The following ADAM12 variants were observed in gnomAD, a reference collection of about 807,000 sequenced individuals.
The protein encoded by ADAM12 is ADAM metallopeptidase domain 12, also known as disintegrin and metalloproteinase domain-containing protein 12.
ADAM12 carries 70 observed loss-of-function variants against 106.4 expected under a neutral mutation model. That is an observed-to-expected ratio of 0.66 (90% CI 0.54 to 0.80). The LOEUF is 0.80. ADAM12 is among the 30% of genes least tolerant of loss of function. The pLI is 0.00. For synonymous variants in ADAM12, 420 were observed against 433.5 expected (o/e 0.97, Z 0.39); for missense variants, 1,010 against 1,171.9 (o/e 0.86, Z 2.02).
intron 3 of ADAM12, among the ~76,000 whole-genome samples, chr10:126,243,316 T>C (rs1430374954): frequency 2.0e-5 from 3 of 152,238 alleles, no homozygotes; most frequent in South Asian, 2.1e-4. Context: ...ATAATAACTA[T>C]GGATATCAAT....
chr10:126,109,748 T>TTTTAAAA, intron 7 of ADAM12, 27 bp downstream of exon 7: 1 of 1,600,978 alleles, frequency 6.2e-7, no homozygotes, highest in Non-Finnish European at 8.5e-7. Flanking sequence ...TAACCAACCA[T>TTTTAAAA]ACTGAGAAAT....
chr10:126,381,005 G>A (rs1856470890), intron 1 of ADAM12, among the ~76,000 whole-genome samples: 1 of 152,132 alleles, frequency 6.6e-6, no homozygotes, highest in Admixed American at 6.5e-5. Context: ...ACACCAGGAA[G>A]GAATGTGCTT....
At chr10:126,345,539 A>G (rs530488841) in intron 1 of ADAM12, among the ~76,000 whole-genome samples, 113 of 152,334 alleles carry the variant, frequency 7.4e-4, no homozygotes, top group Admixed American at 1.4e-3. Context: ...TGGCCTCATA[A>G]AATGAGTTAG....
chr10:126,133,530 C>G (rs563097662), intron 5 of ADAM12, among the ~76,000 whole-genome samples: 16 of 152,156 alleles, frequency 1.1e-4, no homozygotes, highest in South Asian at 6.2e-4. Flanking sequence ...AGACACCTAC[C>G]CAAGCCTCCG....
intron 3 of ADAM12, among the ~76,000 whole-genome samples, chr10:126,237,297 T>C (rs1016118712): frequency 1.3e-5 from 2 of 152,162 alleles, no homozygotes; most frequent in African/African-American, 4.8e-5. Flanking sequence ...AATTTGAAAA[T>C]TTTCAAATAA....
intron 21 of ADAM12, among the ~76,000 whole-genome samples, chr10:126,023,494 A>G (rs1438038018): frequency 1.3e-5 from 2 of 152,222 alleles, no homozygotes; most frequent in African/African-American, 2.4e-5. Context: ...GGAATAGAGA[A>G]ATCCAACCAA....
At chr10:126,033,981 A>G (rs1954014435) in intron 21 of ADAM12, among the ~76,000 whole-genome samples, 1 of 152,256 alleles carries the variant, frequency 6.6e-6, no homozygotes. Flanking sequence ...ACAGAAAATA[A>G]TAAGCAAAGT....
At chr10:126,257,011 T>C (rs1958905766) in intron 3 of ADAM12, among the ~76,000 whole-genome samples, 1 of 152,208 alleles carries the variant, frequency 6.6e-6, no homozygotes, top group African/African-American at 2.4e-5. Context: ...CTCTTAGCAG[T>C]AGCCCACCCA....
At chr10:126,240,851 G>T (rs1048256885) in intron 3 of ADAM12, among the ~76,000 whole-genome samples, 1 of 152,206 alleles carries the variant, frequency 6.6e-6, no homozygotes, top group African/African-American at 2.4e-5. Context: ...AGAGCCCCCC[G>T]GGAGCTCCAC....
At chr10:126,355,818 ATC>A (rs1442971503) in intron 1 of ADAM12, among the ~76,000 whole-genome samples, 6 of 152,198 alleles carry the variant, frequency 3.9e-5, no homozygotes, top group African/African-American at 1.4e-4. Context: ...TACTGGTGAT[ATC>A]TCTGTGTATC....
intron 3 of ADAM12, among the ~76,000 whole-genome samples, chr10:126,200,340 G>A (rs1217720159): frequency 6.6e-6 from 1 of 152,202 alleles, no homozygotes; most frequent in Non-Finnish European, 1.5e-5. Flanking sequence ...AACACGATCA[G>A]ATGCCTTCAA....
chr10:126,237,632 T>C (rs191115469), intron 3 of ADAM12, among the ~76,000 whole-genome samples: 13 of 152,368 alleles, frequency 8.5e-5, no homozygotes, highest in African/African-American at 2.9e-4. Context: ...GCTGTGATCC[T>C]TATTATTTTG....
intron 3 of ADAM12, among the ~76,000 whole-genome samples, chr10:126,201,159 G>A (rs1459780184): frequency 6.6e-6 from 1 of 152,148 alleles, no homozygotes; most frequent in East Asian, 1.9e-4. Context: ...TGTGTGCCGT[G>A]GGTTGAACCG....
intron 21 of ADAM12, among the ~76,000 whole-genome samples, chr10:126,026,967 A>G (rs184167608): frequency 2.0e-5 from 3 of 151,912 alleles, no homozygotes; most frequent in East Asian, 1.9e-4. Context: ...TCAACAAATC[A>G]GTGAATCCAG....
chr10:126,188,145 C>T (rs1008773792), intron 3 of ADAM12, among the ~76,000 whole-genome samples: 1 of 152,212 alleles, frequency 6.6e-6, no homozygotes, highest in Non-Finnish European at 1.5e-5. Flanking sequence ...CCTCTTCCTC[C>T]CAACTCAGGT....
intron 8 of ADAM12, among the ~76,000 whole-genome samples, chr10:126,103,597 C>G (rs1348855795): frequency 6.6e-6 from 1 of 152,242 alleles, no homozygotes; most frequent in African/African-American, 2.4e-5. Flanking sequence ...CCAGCTAACC[C>G]TGACGCTCAT....
chr10:126,386,069 T>G, intron 1 of ADAM12, among the ~76,000 whole-genome samples: 1 of 151,836 alleles, frequency 6.6e-6, no homozygotes. Flanking sequence ...ACTTAGGAGG[T>G]TGGTGGCTTA....
intron 11 of ADAM12, among the ~76,000 whole-genome samples, chr10:126,083,449 G>A (rs1042065141): frequency 3.9e-5 from 6 of 152,236 alleles, no homozygotes; most frequent in African/African-American, 1.4e-4. Flanking sequence ...GGCTATGCCA[G>A]CAGCAGTAGT....
At chr10:126,148,197 A>C (rs1956664143) in intron 4 of ADAM12, among the ~76,000 whole-genome samples, 1 of 152,186 alleles carries the variant, frequency 6.6e-6, no homozygotes, top group Non-Finnish European at 1.5e-5. Context: ...ACCAGCTTAT[A>C]CCAATTGTTG....
Sources: allele counts gnomAD v4.1 joint callset (sites outside exome capture counted in the v4.1 genomes callset), GRCh38; gene constraint gnomAD v4.1.1; transcripts MANE v1.5; gene names NCBI Gene and HGNC (gene_info 2026-07-23, HGNC 2026-07-21).